TMEM178B: variants seen among roughly 807,000 people sequenced by gnomAD.
TMEM178B encodes transmembrane protein 178B.
Under a neutral mutation model 31.0 loss-of-function variants are expected in TMEM178B, and 5 were observed. That is an observed-to-expected ratio of 0.16 (90% CI 0.08 to 0.34). The LOEUF (loss-of-function observed/expected upper bound fraction) is 0.34. TMEM178B is among the 10% of genes least tolerant of loss of function. The pLI is 1.00. For missense variants in TMEM178B, 275 were observed against 400.3 expected, an observed-to-expected ratio of 0.69 and a Z score of 2.67; for synonymous variants, 164 against 164.0, an observed-to-expected ratio of 1.00 and a Z score of 0.00.
At chr7:141,095,773 C>G (rs1054837484) in intron 1 of TMEM178B, among the ~76,000 whole-genome samples, 2 of 152,190 alleles carry the variant, frequency 1.3e-5, no homozygotes, top group African/African-American at 4.8e-5. Context: ...AAAATGTTTA[C>G]CATCTGTTGC....
intron 1 of TMEM178B, among the ~76,000 whole-genome samples, chr7:141,198,313 G>A: frequency 6.6e-6 from 1 of 152,192 alleles, no homozygotes; most frequent in Non-Finnish European, 1.5e-5. Flanking sequence ...GGAGAAGCTG[G>A]CCAGCAGAGT....
intron 1 of TMEM178B, among the ~76,000 whole-genome samples, chr7:141,165,611 A>G (rs1796248613): frequency 6.6e-6 from 1 of 152,222 alleles, no homozygotes. Flanking sequence ...CACTCAAGGA[A>G]GGAACATTCA....
At chr7:141,143,405 G>A (rs749218802) in intron 1 of TMEM178B, among the ~76,000 whole-genome samples, 3 of 152,182 alleles carry the variant, frequency 2.0e-5, no homozygotes, top group Admixed American at 6.5e-5. Context: ...ACGGTGAAAG[G>A]TAGTGGTCCA....
At chr7:141,159,499 C>A (rs889408928) in intron 1 of TMEM178B, among the ~76,000 whole-genome samples, 2 of 152,166 alleles carry the variant, frequency 1.3e-5, no homozygotes, top group African/African-American at 2.4e-5. Flanking sequence ...GTTTGTACAC[C>A]CATGTTCATA....
At chr7:141,225,265 T>TGCTCCATCCTTCACCCCTCCCC (rs1563123620) in intron 2 of TMEM178B, among the ~76,000 whole-genome samples, 3 of 152,294 alleles carry the variant, frequency 2.0e-5, no homozygotes, top group East Asian at 3.9e-4. Context: ...AGGACCTCCC[T>TGCTCCATCCTTCACCCCTCCCC]GCTCCATCCT....
intron 3 of TMEM178B, 66 bp from the exon 4 acceptor site, chr7:141,470,470 C>A: frequency 1.4e-6 from 2 of 1,381,252 alleles, no homozygotes; most frequent in Non-Finnish European, 1.9e-6. Flanking sequence ...TTCTCTTTCT[C>A]TCTCCCGCTC....
chr7:141,229,406 C>T (rs1481053299), intron 2 of TMEM178B, among the ~76,000 whole-genome samples: 1 of 152,020 alleles, frequency 6.6e-6, no homozygotes, highest in African/African-American at 2.4e-5. Flanking sequence ...TCAATCCTTC[C>T]CTGTAACCAC....
intron 2 of TMEM178B, among the ~76,000 whole-genome samples, chr7:141,220,000 A>G (rs1342064732): frequency 1.3e-5 from 2 of 152,094 alleles, no homozygotes; most frequent in African/African-American, 4.8e-5. Flanking sequence ...CAAGGGAATT[A>G]TAGGTAACGT....
chr7:141,434,805 A>G (rs191934985), intron 2 of TMEM178B, among the ~76,000 whole-genome samples: 65 of 152,304 alleles, frequency 4.3e-4, no homozygotes, highest in African/African-American at 1.4e-3. Flanking sequence ...CCGTTACTGT[A>G]CTTTGATTAG....
chr7:141,273,652 T>C (rs1351587795), intron 2 of TMEM178B, among the ~76,000 whole-genome samples: 1 of 152,142 alleles, frequency 6.6e-6, no homozygotes, highest in Admixed American at 6.6e-5. Context: ...CCAGTAATTA[T>C]GACTGCGGAG....
chr7:141,140,412 A>C (rs1431840605), intron 1 of TMEM178B, among the ~76,000 whole-genome samples: 1 of 152,316 alleles, frequency 6.6e-6, no homozygotes, highest in Admixed American at 6.5e-5. Flanking sequence ...ATTTTTTAGA[A>C]CAGTTTTGTA....
chr7:141,326,275 T>A (rs1207292397), intron 2 of TMEM178B, among the ~76,000 whole-genome samples: 1 of 152,184 alleles, frequency 6.6e-6, no homozygotes, highest in Non-Finnish European at 1.5e-5. Flanking sequence ...GAACCAAACA[T>A]GCATTACTTG....
At chr7:141,485,314 T>C (rs1293042484), downstream of TMEM178B, among the ~76,000 whole-genome samples, 1 of 152,218 alleles carries the variant, frequency 6.6e-6, no homozygotes, top group Non-Finnish European at 1.5e-5. Flanking sequence ...AACTCACGGT[T>C]ACACGTAAGG....
intron 1 of TMEM178B, among the ~76,000 whole-genome samples, chr7:141,188,936 G>A (rs770884361): frequency 5.3e-5 from 8 of 152,234 alleles, no homozygotes; most frequent in East Asian, 1.9e-4. Context: ...GAATCCAGCC[G>A]CCTGAGGAAG....
At chr7:141,353,887 A>G (rs540504646) in intron 2 of TMEM178B, among the ~76,000 whole-genome samples, 2 of 152,344 alleles carry the variant, frequency 1.3e-5, no homozygotes, top group South Asian at 4.1e-4. Context: ...GTATCCTCTA[A>G]TGATCATTGA....
At chr7:141,320,531 A>G (rs1799079990) in intron 2 of TMEM178B, among the ~76,000 whole-genome samples, 1 of 152,020 alleles carries the variant, frequency 6.6e-6, no homozygotes, top group South Asian at 2.1e-4. Context: ...GGCCCGTCTC[A>G]CCTTGGTTCC....
chr7:141,410,095 T>G (rs1163004516), intron 2 of TMEM178B, among the ~76,000 whole-genome samples: 4 of 152,122 alleles, frequency 2.6e-5, no homozygotes, highest in Non-Finnish European at 1.5e-5. Context: ...TATCTCAACA[T>G]CCCCATCACC....
chr7:141,074,550 C>T lies in TMEM178B; in HGVS notation c.240C>T (p.Leu80=), dbSNP rs933858494. ...TGGACCGCTGGGAGGGCAAACTCCT[C>T]CGGGCCCGGAATCGCCGGCAGCTGT... is the stretch of plus-strand genomic sequence containing the variant. ...SRLDRWEGKL[L]RARNRRQLFA... is the part of the protein sequence containing the mutation. Residue 80 remains leucine, a synonymous_variant, in exon 1 of 4, where the codon CTC becomes CTT. Coordinates refer to ENST00000565468, the MANE Select transcript of TMEM178B (RefSeq NM_001195278.2). This position sits in a 1 kb window ranked among gnomAD's most constrained non-coding sequence, Gnocchi z 5.1. 6.7e-5 allele frequency: 103 copies of T among 1,535,862 alleles called. No homozygotes were observed. Among genetic ancestry groups the T allele is most frequent in the Non-Finnish European group, 8.6e-5 (99 of 1,146,798 alleles).
At chr7:141,352,107 A>C (rs1799740076) in intron 2 of TMEM178B, 1 of 152,478 alleles carries the variant, frequency 6.6e-6, no homozygotes, top group East Asian at 1.9e-4. Flanking sequence ...GAGAGAGTTT[A>C]TAAAGGGGCA....
Sources: allele counts gnomAD v4.1 joint callset (sites outside exome capture counted in the v4.1 genomes callset), GRCh38; gene constraint gnomAD v4.1.1; non-coding constraint Gnocchi (gnomAD v3.1); transcripts MANE v1.5; gene names NCBI Gene and HGNC (gene_info 2026-07-23, HGNC 2026-07-21).